Variants in P2RX5 observed in about 807,000 individuals in gnomAD.
P2RX5 encodes P2X purinoceptor 5.
A neutral mutation model predicts 54.1 loss-of-function variants in P2RX5; 46 were observed. The observed-to-expected ratio is 0.85, with a 90% CI of 0.67 to 1.09. The LOEUF (loss-of-function observed/expected upper bound fraction) is 1.09, where lower values mean the gene tolerates loss of function less well. Ranked by LOEUF, P2RX5 falls within the 50% of genes least tolerant of loss-of-function variation. The pLI is 0.00. For synonymous variants in P2RX5, 226 were observed against 226.4 expected (o/e 1.00, Z 0.02); for missense variants, 566 against 549.8 (o/e 1.03, Z -0.29).
Position 3,689,517 on chromosome 17 carries a change from C to A in P2RX5, c.728G>T (p.Ser243Ile). Residue 243 changes from serine to isoleucine, a missense_variant, in exon 7 of 12, where the codon AGC (serine) becomes ATC (isoleucine). Physicochemically the swap from Ser to Ile is moderately radical, Grantham distance 142. Coordinates refer to ENST00000225328, the MANE Select transcript of P2RX5 (RefSeq NM_002561.4). ...RLGSVIRWAG[S>I]DFQDIALEGG... ...CTCCAGGGCTATATCCTGGAAGTCG[C>A]TCCCGGCCCAGCGGATCACGGAGCC... The A allele has an allele frequency of 6.2e-7, 1 of 1,614,190 alleles. No homozygotes were observed. The highest frequency in any genetic ancestry group is 8.5e-7 in the Non-Finnish European group (1 of 1,180,036).
upstream of P2RX5, among the ~76,000 whole-genome samples, chr17:3,697,044 G>A (rs1471392301): frequency 4.7e-5 from 7 of 150,528 alleles, no homozygotes; most frequent in African/African-American, 1.7e-4. Flanking sequence ...GCTGCTGCAG[G>A]TTTAAAAGCC....
upstream of P2RX5, among the ~76,000 whole-genome samples, chr17:3,697,123 C>G (rs529329570): frequency 1.8e-3 from 251 of 142,730 alleles, 1 homozygote; most frequent in African/African-American, 6.1e-3. Context: ...CCCTCCCACA[C>G]TCAGGGCGGA....
In P2RX5 at chr17:3,688,705, A is replaced by G. The variant is rs780855080; in HGVS notation, c.808T>C (p.Ser270Pro). The G allele has an allele frequency of 6.2e-7, 1 of 1,613,748 alleles. No individual in the cohort carries two copies. The highest frequency in any genetic ancestry group is 2.2e-5 in the East Asian group (1 of 44,880). ...EWNCDLDKAA[S>P]ECHPHYSFSR... ...AAAGAATAGTGAGGGTGGCACTCAGAGGCAGCTTTATCAAGATCACAGTTC... is the reference window on the plus strand; with the variant it reads ...AAAGAATAGTGAGGGTGGCACTCAGGGGCAGCTTTATCAAGATCACAGTTC... Residue 270 changes from serine (S) to proline (P), a missense_variant, in exon 8 of 12, where the codon TCT (serine) becomes CCT (proline). Transcript: ENST00000225328.
At chr17:3,712,859 C>T in the P2RX5 span, among the ~76,000 whole-genome samples, 2 of 151,946 alleles carry the variant, frequency 1.3e-5, no homozygotes, top group African/African-American at 4.8e-5. Flanking sequence ...AGGAGAATTG[C>T]TGGAACCCGG....
intron 6 of P2RX5, 117 bp from the exon 7 acceptor site, chr17:3,689,747 C>T: frequency 7.4e-7 from 1 of 1,360,492 alleles, no homozygotes; most frequent in Non-Finnish European, 1.0e-6. Context: ...GCAGCAACAC[C>T]CCACTTTACA....
rs926550527 is a variant in P2RX5 at position 3,696,140 on chromosome 17, G to C, written c.-135C>G. ...CGCTCAGCTGCAGCCCGGGGTGTCC[G>C]GCAGGGCTGCGGGGCGCGGGGGCGG... On this transcript the variant is annotated 5_prime_UTR_variant, in exon 1 of 12. Coordinates refer to ENST00000225328, the MANE Select transcript of P2RX5 (RefSeq NM_002561.4). 1.1e-6 allele frequency: 1 copy of C among 910,174 alleles called. No homozygotes were observed. Among genetic ancestry groups the C allele is most frequent in the Non-Finnish European group, 1.5e-6 (1 of 681,282 alleles). 56.4% of individuals were successfully genotyped at this position (910,174 alleles called of 1,614,324 possible). A position where few individuals can be genotyped will look rare whatever the true frequency, so the allele number is the denominator to read the frequency against.
intron 10 of P2RX5, among the ~76,000 whole-genome samples, chr17:3,681,408 C>T (rs528730856): frequency 5.3e-5 from 8 of 152,132 alleles, no homozygotes; most frequent in African/African-American, 1.9e-4. Flanking sequence ...TGTGCTCTGC[C>T]GCTGTGAACA....
the P2RX5 span, among the ~76,000 whole-genome samples, chr17:3,702,467 A>G: frequency 1.3e-5 from 2 of 151,932 alleles, no homozygotes; most frequent in East Asian, 3.9e-4. Flanking sequence ...CAGCAGTGGC[A>G]ACCTGCTGGA....
chr17:3,674,922 G>C (rs917041518), intron 11 of P2RX5, among the ~76,000 whole-genome samples: 2 of 152,212 alleles, frequency 1.3e-5, no homozygotes, highest in African/African-American at 4.8e-5. Context: ...AAACCCTCGG[G>C]GGCAGGGATC....
upstream of P2RX5, among the ~76,000 whole-genome samples, chr17:3,700,715 T>C (rs1420284134): frequency 3.3e-5 from 5 of 152,134 alleles, no homozygotes; most frequent in Non-Finnish European, 7.4e-5. Flanking sequence ...GGGTCATAGA[T>C]GTGGCTTCTT....
chr17:3,684,422 A>G (rs1174425041), intron 9 of P2RX5, among the ~76,000 whole-genome samples: 1 of 152,192 alleles, frequency 6.6e-6, no homozygotes, highest in Admixed American at 6.5e-5. Flanking sequence ...TGGCCAACAT[A>G]GTGAGACCCC....
chr17:3,693,533 C>CTTTT, intron 1 of P2RX5, among the ~76,000 whole-genome samples: 1 of 152,142 alleles, frequency 6.6e-6, no homozygotes, highest in African/African-American at 2.4e-5. Flanking sequence ...GTCAGGAGTT[C>CTTTT]GAGGCCAGCC....
chr17:3,675,676 C>T (rs535736970), intron 11 of P2RX5: 15 of 671,434 alleles, frequency 2.2e-5, no homozygotes, highest in Admixed American at 1.9e-4. Context: ...CTCCGCCTCC[C>T]GAGTAGCTGG....
At chr17:3,716,164 C>A in the P2RX5 span, among the ~76,000 whole-genome samples, 1 of 123,536 alleles carries the variant, frequency 8.1e-6, no homozygotes, top group Non-Finnish European at 1.7e-5. Flanking sequence ...GAGCGGAACT[C>A]CGTCTCAAAA....
the P2RX5 span, among the ~76,000 whole-genome samples, chr17:3,710,195 G>A: frequency 5.9e-5 from 9 of 152,188 alleles, no homozygotes; most frequent in African/African-American, 2.2e-4. Flanking sequence ...GGGAAGCCGA[G>A]GTGAGCGGAT....
At chr17:3,707,043 TA>T in the P2RX5 span, among the ~76,000 whole-genome samples, 2 of 152,212 alleles carry the variant, frequency 1.3e-5, no homozygotes, top group African/African-American at 2.4e-5. Flanking sequence ...AAGGCATTAA[TA>T]AAGATATACA....
At chr17:3,688,919 C>T (rs1395021181) in intron 7 of P2RX5, among the ~76,000 whole-genome samples, 160 bp from the exon 8 acceptor site, 2 of 152,196 alleles carry the variant, frequency 1.3e-5, no homozygotes, top group African/African-American at 2.4e-5. Context: ...CCCCATGGAG[C>T]GGCTGAGAAC....
chr17:3,713,682 G>A, the P2RX5 span, among the ~76,000 whole-genome samples: 6 of 151,768 alleles, frequency 4.0e-5, no homozygotes, highest in South Asian at 4.2e-4. Flanking sequence ...CCCGGGAGGC[G>A]GAGGTTGCGG....
the P2RX5 span, chr17:3,720,319 G>C: frequency 6.4e-7 from 1 of 1,557,242 alleles, no homozygotes; most frequent in Non-Finnish European, 8.9e-7. Flanking sequence ...TAGTTCTGTG[G>C]TTCTCTGCAT....
Sources: allele counts gnomAD v4.1 joint callset (sites outside exome capture counted in the v4.1 genomes callset), GRCh38; gene constraint gnomAD v4.1.1; transcripts MANE v1.5; gene names NCBI Gene and HGNC (gene_info 2026-07-23, HGNC 2026-07-21).